SERPINA5: variants seen among roughly 807,000 people sequenced by gnomAD.
The protein encoded by SERPINA5 is plasma serine protease inhibitor.
Under a neutral mutation model 25.3 loss-of-function variants are expected in SERPINA5, and 25 were observed. The ratio of observed to expected loss-of-function variants is 0.99; its 90% CI spans 0.72 to 1.38. The LOEUF is 1.38. Among genes scored for constraint, SERPINA5 ranks in the 40% most tolerant of loss-of-function variants. The probability of loss-of-function intolerance (pLI) is 0.00; values close to 1 mark genes in which losing one functional copy is unlikely to be tolerated. For synonymous variants in SERPINA5, 234 were observed against 206.2 expected, an observed-to-expected ratio of 1.14 and a Z score of -1.16; for missense variants, 599 against 509.5, an observed-to-expected ratio of 1.18 and a Z score of -1.69.
chr14:94,590,258 G>C lies in SERPINA5; in HGVS notation c.837G>C (p.Glu279Asp). The C allele has an allele frequency of 1.2e-6, 2 of 1,612,604 alleles. No homozygotes were observed. Among genetic ancestry groups the C allele is most frequent in the Non-Finnish European group, 1.7e-6 (2 of 1,178,786 alleles). The change falls in exon 4 of 6, where the codon GAG becomes GAC. Residue 279 changes from glutamate to aspartate, a missense_variant. Coordinates refer to ENST00000329597, the MANE Select transcript of SERPINA5 (RefSeq NM_000624.6). ...LPSEGKMQQV[E>D]NGLSEKTLRK... ...GTGAGGGAAAGATGCAGCAGGTGGA[G>C]AATGGACTGAGTGAGAAAACGCTGA... is the stretch of plus-strand genomic sequence containing the variant.
In SERPINA5 at chr14:94,587,836, C is replaced by T; in HGVS notation, c.474C>T (p.Phe158=). ...AGACGCTGTACCTGGCAGACACTTT[C>T]CCTACCAACTTTAGGGACTCTGCAG... The part of the protein sequence containing the change: ...AMKTLYLADT[F]PTNFRDSAGA... Residue 158 remains phenylalanine (F), a synonymous_variant, in exon 3 of 6, where the codon TTC becomes TTT. Coordinates refer to ENST00000329597, the MANE Select transcript of SERPINA5 (RefSeq NM_000624.6). 1 of 1,613,962 alleles carries T rather than the reference C, an allele frequency of 6.2e-7. No homozygotes were observed. Among genetic ancestry groups the T allele is most frequent in the South Asian group, 1.1e-5 (1 of 91,068 alleles).
chr14:94,590,616 T>C (rs1566838815), intron 4 of SERPINA5, 133 bp from the exon 5 acceptor site: 2 of 1,060,030 alleles, frequency 1.9e-6, no homozygotes, highest in Non-Finnish European at 1.3e-6. Flanking sequence ...ATAACCACCA[T>C]TGTTCCTTGG....
In SERPINA5 at chr14:94,587,938, T is replaced by A; in HGVS notation, c.576T>A (p.Asp192Glu). The change falls in exon 3 of 6, where the codon GAT becomes GAA. Residue 192 changes from aspartate (D) to glutamate (E), a missense_variant. By Grantham distance (45) the Asp-to-Glu change is conservative. Coordinates refer to ENST00000329597, the MANE Select transcript of SERPINA5 (RefSeq NM_000624.6). ...GKIVDLLKNL[D>E]SNAVVIMVNY... ...TTGTGGACTTGCTTAAGAACCTCGA[T>A]AGCAATGCGGTCGTGATCATGGTGA... is the stretch of plus-strand genomic sequence containing the variant. 1.9e-6 allele frequency: 3 copies of A among 1,614,244 alleles called. No individual in the cohort carries two copies. The highest frequency in any genetic ancestry group is 2.5e-6 in the Non-Finnish European group (3 of 1,180,030).
intron 2 of SERPINA5, 21 bp from the exon 3 acceptor site, chr14:94,587,325 G>C (rs547328694): frequency 1.3e-6 from 2 of 1,555,010 alleles, no homozygotes; most frequent in East Asian, 4.5e-5. Context: ...CCTCTCTGAG[G>C]ACACCTTCTT....
At position 94,588,105 on chromosome 14, in the gene SERPINA5, T is replaced by G. The variant is rs1394822062; in HGVS notation, c.619+124T>G. ...ACGTTAAGTTCTTTTGGGTGCCTGTTGAGAAAAATTAAGTAAACAAGCAGC... is the reference window on the plus strand; with the variant it reads ...ACGTTAAGTTCTTTTGGGTGCCTGTGGAGAAAAATTAAGTAAACAAGCAGC... On this transcript the variant is annotated intron_variant, in intron 3 of 5. Transcript: ENST00000329597. 3.2e-6 allele frequency: 4 copies of G among 1,268,416 alleles called. No individual in the cohort carries two copies. In the East Asian group the frequency reaches 9.3e-5, roughly 29 times the overall value. 78.6% of individuals were successfully genotyped at this position (1,268,416 alleles called of 1,614,324 possible). A position where few individuals can be genotyped will look rare whatever the true frequency, so the allele number is the denominator to read the frequency against.
Position 94,585,536 on chromosome 14 carries a change from A to G in SERPINA5, c.-17-1810A>G, listed in dbSNP as rs141776813. Among the ~76,000 whole-genome samples the G allele has an allele frequency of 3.8e-3, 571 of 152,124 alleles. 4 individuals are homozygous for G. Among genetic ancestry groups the G allele is most frequent in the African/African-American group, 0.013 (547 of 41,516 alleles). ...CCACTCTGCAAGGGATTTCCCACCC[A>G]CCTGTTTGGGGCCCTTTGGAGTTTG... is the stretch of plus-strand genomic sequence containing the variant. On this transcript the variant is annotated intron_variant, in intron 2 of 5. Transcript: ENST00000329597.
rs372907091 is a variant in SERPINA5 at position 94,590,086 on chromosome 14, A to G, written c.665A>G (p.Asp222Gly). Residue 222 changes from aspartate (D) to glycine (G), a missense_variant, in exon 4 of 6, where the codon GAC becomes GGC. Transcript: ENST00000329597. The stretch of plus-strand genomic sequence containing the variant: ...AACCACAAAGGCACCCAAGAGCAAG[A>G]CTTCTACGTGACCTCGGAGACTGTG... ...SFNHKGTQEQDFYVTSETVVR... is the reference protein window; with the variant it reads ...SFNHKGTQEQGFYVTSETVVR... The G allele has an allele frequency of 1.2e-5, 20 of 1,610,422 alleles. No homozygotes were observed. The highest frequency in any genetic ancestry group is 2.7e-5 in the African/African-American group (2 of 74,862).
intron 3 of SERPINA5, among the ~76,000 whole-genome samples, chr14:94,588,956 C>A (rs1299801335): frequency 6.6e-6 from 1 of 152,162 alleles, no homozygotes; most frequent in Non-Finnish European, 1.5e-5. Context: ...AATACCACCA[C>A]CTTGGGGGTT....
intron 3 of SERPINA5, among the ~76,000 whole-genome samples, chr14:94,588,769 G>A (rs951518187): frequency 6.6e-6 from 1 of 152,174 alleles, no homozygotes; most frequent in African/African-American, 2.4e-5. Context: ...AGAAGTCCAG[G>A]ATCAAGGCAC....
chr14:94,589,946 G>A, intron 3 of SERPINA5, 95 bp from the exon 4 acceptor site: 1 of 1,250,852 alleles, frequency 8.0e-7, no homozygotes, highest in African/African-American at 1.5e-5. Context: ...GTCTCCGCTG[G>A]CTATCTTTAC....
chr14:94,590,474 C>T, intron 4 of SERPINA5, 163 bp downstream of exon 4: 2 of 985,516 alleles, frequency 2.0e-6, no homozygotes, highest in Admixed American at 6.1e-5. Context: ...GGGGGCCTAG[C>T]CCAGTTGGAG....
At position 94,587,684 on chromosome 14, in the gene SERPINA5, C is replaced by T; in HGVS notation, c.322C>T (p.His108Tyr). Residue 108 changes from histidine (H) to tyrosine (Y), a missense_variant, in exon 3 of 6, where the codon CAC (histidine) becomes TAC (tyrosine). Physicochemically the swap from His to Tyr is moderately conservative, Grantham distance 83. Transcript: ENST00000329597. ...CCAGAAAAGCTCAGAGAAGGAGCTGCACAGAGGCTTTCAGCAGCTCCTTCA... is the reference window on the plus strand; with the variant it reads ...CCAGAAAAGCTCAGAGAAGGAGCTGTACAGAGGCTTTCAGCAGCTCCTTCA... ...NLQKSSEKEL[H>Y]RGFQQLLQEL... 6.2e-7 allele frequency: 1 copy of T among 1,614,160 alleles called. No homozygotes were observed. Among genetic ancestry groups the T allele is most frequent in the Non-Finnish European group, 8.5e-7 (1 of 1,180,006 alleles).
chr14:94,590,892 C>T lies in SERPINA5; in HGVS notation c.1034C>T (p.Ser345Phe). Residue 345 changes from serine to phenylalanine, a missense_variant, in exon 5 of 6, where the codon TCT (serine) becomes TTT (phenylalanine). Physicochemically the swap from Ser to Phe is radical, Grantham distance 155. Coordinates refer to ENST00000329597, the MANE Select transcript of SERPINA5 (RefSeq NM_000624.6). The stretch of plus-strand genomic sequence containing the variant: ...AGCAACCACTCAAATATCCAGGTGT[C>T]TGAGGTGGGTTCAGAAGCTCCTATG... Reference protein sequence around the residue: ...GISNHSNIQVSEMVHKAVVEV... With the variant: ...GISNHSNIQVFEMVHKAVVEV... 1 of 1,610,360 alleles carries T rather than the reference C, an allele frequency of 6.2e-7. No individual in the cohort carries two copies.
rs1289731471 is a variant in SERPINA5, at chr14:94,587,711, G to A, written c.349G>A (p.Glu117Lys). 1 of 1,614,042 alleles carries A rather than the reference G, an allele frequency of 6.2e-7. No individual in the cohort carries two copies. Among genetic ancestry groups the A allele is most frequent in the South Asian group, 1.1e-5 (1 of 91,084 alleles). ...CAGAGGCTTTCAGCAGCTCCTTCAG[G>A]AACTCAACCAGCCCAGAGATGGCTT... ...LHRGFQQLLQ[E>K]LNQPRDGFQL... The change falls in exon 3 of 6, where the codon GAA becomes AAA. Residue 117 changes from glutamate (E) to lysine (K), a missense_variant. Coordinates refer to ENST00000329597, the MANE Select transcript of SERPINA5 (RefSeq NM_000624.6).
In SERPINA5 at chr14:94,590,947, A is replaced by G. The variant is rs527314804; in HGVS notation, c.1038+51A>G. 1.2e-5 allele frequency: 19 copies of G among 1,532,956 alleles called. 1 individual carries two copies. The South Asian group carries it at 2.3e-4, about 18-fold the overall frequency. 95.0% of individuals were successfully genotyped at this position (1,532,956 alleles called of 1,614,324 possible). On this transcript the variant is annotated intron_variant, in intron 5 of 5. Transcript: ENST00000329597. ...TGCTTCCCAAGGTCTATTCTGTTCT[A>G]TTCTTTCTATTCTACTCTACCCCAT...
At chr14:94,589,571 A>G (rs1885209406) in intron 3 of SERPINA5, among the ~76,000 whole-genome samples, 2 of 152,246 alleles carry the variant, frequency 1.3e-5, no homozygotes, top group Non-Finnish European at 2.9e-5. Context: ...AGGGTCATTG[A>G]AGACTTCCCA....
At position 94,587,406 on chromosome 14, in the gene SERPINA5, A is replaced by C. The variant is rs1373208535; in HGVS notation, c.44A>C (p.Gln15Pro). 10 of 1,613,460 alleles carry C rather than the reference A, an allele frequency of 6.2e-6. No homozygotes were observed. The African/African-American group carries it at 1.2e-4, about 19-fold the overall frequency. ...TTGTGCCTGGTGCTTCTCAGCCCTC[A>C]GGGGGCCTCCCTTCACCGCCACCAC... ...LLLCLVLLSPQGASLHRHHPR... is the reference protein window; with the variant it reads ...LLLCLVLLSPPGASLHRHHPR... The change falls in exon 3 of 6, where the codon CAG (glutamine) becomes CCG (proline). Residue 15 changes from glutamine to proline, a missense_variant. Transcript: ENST00000329597.
intron 3 of SERPINA5, among the ~76,000 whole-genome samples, chr14:94,588,928 C>T (rs1885184510): frequency 6.6e-6 from 1 of 152,130 alleles, no homozygotes; most frequent in African/African-American, 2.4e-5. Flanking sequence ...TAATCAACTC[C>T]CAAAGGCCCC....
intron 3 of SERPINA5, among the ~76,000 whole-genome samples, chr14:94,589,158 G>A (rs536500073): frequency 6.6e-6 from 1 of 152,288 alleles, no homozygotes; most frequent in Admixed American, 6.5e-5. Context: ...TTAAGAAGTT[G>A]GAAACAGGCC....
Sources: gnomAD v4.1 joint callset for allele counts (sites outside exome capture counted in the v4.1 genomes callset) on GRCh38, gnomAD v4.1.1 for gene constraint, MANE v1.5 for transcripts, NCBI Gene and HGNC (gene_info 2026-07-23, HGNC 2026-07-21) for gene names.